The following SLC25A18 variants were observed in gnomAD, a reference collection of about 807,000 sequenced individuals.
SLC25A18 encodes the protein mitochondrial glutamate carrier 2.
A neutral mutation model predicts 31.1 loss-of-function variants in SLC25A18; 24 were observed. The observed-to-expected ratio is 0.77, with a 90% CI of 0.56 to 1.08. The LOEUF (loss-of-function observed/expected upper bound fraction) is 1.08. SLC25A18 is among the 50% of genes least tolerant of loss of function. The probability of loss-of-function intolerance (pLI) is 0.00; values close to 1 mark genes in which losing one functional copy is unlikely to be tolerated. For missense variants in SLC25A18, 371 were observed against 418.5 expected (o/e 0.89, Z 0.99); for synonymous variants, 173 against 161.9 (o/e 1.07, Z -0.52).
chr22:17,581,745 G>A (rs1032759027), intron 5 of SLC25A18: 4 of 317,606 alleles, frequency 1.3e-5, no homozygotes, highest in African/African-American at 2.1e-5. Context: ...AGGAGTTCTG[G>A]GTGGCTCCTC....
rs532701440 is a variant in SLC25A18, at chr22:17,568,657, A to G, written c.-263-1267A>G. Among the ~76,000 whole-genome samples the G allele has an allele frequency of 3.1e-3, 394 of 128,248 alleles. 2 individuals are homozygous for G. The highest frequency in any genetic ancestry group is 5.6e-3 in the Middle Eastern group (1 of 178). 84.1% of individuals were successfully genotyped at this position (128,248 alleles called of 152,430 possible). On this transcript the variant is annotated intron_variant, in intron 1 of 10. Transcript: ENST00000327451. ...GCTCACTGCAAGCTCTGCGTCCCGG[A>G]TTCACGCCATTCTCCTGCCTCAGCC...
chr22:17,567,782 T>C (rs2056974961), intron 1 of SLC25A18, among the ~76,000 whole-genome samples: 1 of 150,164 alleles, frequency 6.7e-6, no homozygotes, highest in Admixed American at 6.8e-5. Context: ...TCAAGCAGCA[T>C]TGAGTTCACA....
At chr22:17,584,781 C>CAAAA (rs66948770) in intron 7 of SLC25A18, among the ~76,000 whole-genome samples, 35 of 20,058 alleles carry the variant, frequency 1.7e-3, no homozygotes, top group Middle Eastern at 0.033. Context: ...GAATTCATCT[C>CAAAA]AAAAAAAAAA....
intron 1 of SLC25A18, among the ~76,000 whole-genome samples, chr22:17,567,259 CAT>C (rs1246276573): frequency 1.4e-5 from 2 of 146,226 alleles, no homozygotes; most frequent in South Asian, 2.2e-4. Flanking sequence ...AGTCCCATCT[CAT>C]AGATGAACAG....
intron 1 of SLC25A18, among the ~76,000 whole-genome samples, chr22:17,568,060 A>G (rs1176052851): frequency 6.6e-6 from 1 of 151,990 alleles, no homozygotes; most frequent in Non-Finnish European, 1.5e-5. Flanking sequence ...ACTTTTTAAA[A>G]GAGGCAAAGG....
intron 2 of SLC25A18, 133 bp downstream of exon 2, chr22:17,570,119 A>AGAAGGGGTGGGCACGAG (rs1383045845): frequency 1.6e-6 from 1 of 608,834 alleles, no homozygotes; most frequent in African/African-American, 2.0e-5. Flanking sequence ...GGATAGAGTC[A>AGAAGGGGTGGGCACGAG]GAAGGGGTGG....
intron 5 of SLC25A18, chr22:17,581,766 T>C: frequency 3.8e-6 from 1 of 261,866 alleles, no homozygotes; most frequent in Non-Finnish European, 7.3e-6. Context: ...CCCAGCTCGG[T>C]CCAGCGTTGC....
intron 1 of SLC25A18, among the ~76,000 whole-genome samples, chr22:17,566,416 CT>C (rs756780407): frequency 3.9e-4 from 57 of 147,102 alleles, no homozygotes; most frequent in Non-Finnish European, 3.8e-4. Context: ...CTGTCATTTT[CT>C]TTTTTTTTTT....
intron 1 of SLC25A18, among the ~76,000 whole-genome samples, chr22:17,564,293 A>C (rs867942877): frequency 8.0e-4 from 122 of 152,294 alleles, no homozygotes; most frequent in African/African-American, 2.8e-3. Flanking sequence ...TGTTCTCACA[A>C]TGTAGCCTGG....
intron 1 of SLC25A18, among the ~76,000 whole-genome samples, chr22:17,567,568 G>A (rs1331921728): frequency 6.6e-6 from 1 of 151,058 alleles, no homozygotes; most frequent in East Asian, 1.9e-4. Flanking sequence ...CTGGCAGCAG[G>A]GCCCTGTTTC....
At chr22:17,572,029 A>AT (rs2057101883) in intron 2 of SLC25A18, among the ~76,000 whole-genome samples, 1 of 151,616 alleles carries the variant, frequency 6.6e-6, no homozygotes, top group Non-Finnish European at 1.5e-5. Flanking sequence ...GAAAAAAAAA[A>AT]CAAAAAACTT....
intron 7 of SLC25A18, chr22:17,585,498 C>T (rs2057517280): frequency 2.0e-5 from 3 of 152,100 alleles, no homozygotes; most frequent in Non-Finnish European, 4.4e-5. Context: ...GAATAGCTTC[C>T]TTTTGGCAAG....
rs372277306 is a variant in SLC25A18 at position 17,587,528 on chromosome 22, A to G, written c.575+227A>G. Among the ~76,000 whole-genome samples the G allele has an allele frequency of 5.6e-4, 85 of 152,316 alleles. 1 individual carries two copies. The highest frequency in any genetic ancestry group is 1.9e-3 in the African/African-American group (78 of 41,592). On this transcript the variant is annotated intron_variant, in intron 8 of 10. Coordinates refer to ENST00000327451, the MANE Select transcript of SLC25A18 (RefSeq NM_031481.3). ...CTTGCATAGTGATGACCAGGCCCACAGGAAGGCTGGGTGTTTTGTGGCCCA... is the reference window on the plus strand; with the variant it reads ...CTTGCATAGTGATGACCAGGCCCACGGGAAGGCTGGGTGTTTTGTGGCCCA...
At chr22:17,572,145 C>T (rs1473976032) in intron 2 of SLC25A18, among the ~76,000 whole-genome samples, 2 of 152,060 alleles carry the variant, frequency 1.3e-5, no homozygotes, top group Non-Finnish European at 2.9e-5. Flanking sequence ...CGAGATCACG[C>T]CACTGCACTC....
rs767639884 is a variant in SLC25A18 at position 17,589,675 on chromosome 22, A to T, written c.806+10A>T. On this transcript the variant is annotated intron_variant, in intron 10 of 10. Transcript: ENST00000327451. The stretch of plus-strand genomic sequence containing the variant: ...TCACCGACTGTGCCAGGTGAGAGCC[A>T]GTGTCCCCTCAAATGGTGGCTGGGA... The T allele has an allele frequency of 1.2e-6, 2 of 1,613,852 alleles. No homozygotes were observed. The highest frequency in any genetic ancestry group is 4.5e-5 in the East Asian group (2 of 44,886).
chr22:17,583,596 C>T (rs1199770233), intron 7 of SLC25A18, 62 bp downstream of exon 7: 7 of 1,569,776 alleles, frequency 4.5e-6, no homozygotes, highest in Non-Finnish European at 5.2e-6. Flanking sequence ...CCAGGCACAT[C>T]CCACATCCCA....
chr22:17,587,833 G>GC, intron 8 of SLC25A18, 92 bp from the exon 9 acceptor site: 1 of 1,534,876 alleles, frequency 6.5e-7, no homozygotes, highest in Non-Finnish European at 8.9e-7. Flanking sequence ...CTCACTGTAA[G>GC]CCCCACAGCT....
chr22:17,565,958 A>G (rs1290629356), intron 1 of SLC25A18, among the ~76,000 whole-genome samples: 16 of 151,988 alleles, frequency 1.1e-4, no homozygotes, highest in African/African-American at 3.4e-4. Context: ...CTCCCAAAGC[A>G]CAAGGATTAC....
intron 2 of SLC25A18, among the ~76,000 whole-genome samples, chr22:17,578,160 G>A (rs1402162541): frequency 2.0e-5 from 3 of 151,740 alleles, no homozygotes; most frequent in East Asian, 1.9e-4. Flanking sequence ...TTGTAAAGAC[G>A]GGGTTTCACT....
Sources: gnomAD v4.1 joint callset for allele counts (sites outside exome capture counted in the v4.1 genomes callset) on GRCh38, gnomAD v4.1.1 for gene constraint, MANE v1.5 for transcripts, NCBI Gene and HGNC (gene_info 2026-07-23, HGNC 2026-07-21) for gene names.